CCDC88C: variants seen among roughly 807,000 people sequenced by gnomAD.
CCDC88C encodes coiled-coil and HOOK domain protein 88C.
Under a neutral mutation model 198.8 loss-of-function variants are expected in CCDC88C, and 131 were observed. The ratio of observed to expected loss-of-function variants is 0.66; its 90% CI spans 0.57 to 0.76. The LOEUF is 0.76. CCDC88C is among the 30% of genes least tolerant of loss of function. The pLI is 0.00. For synonymous variants in CCDC88C, 1,166 were observed against 1,114.7 expected (o/e 1.05, Z -0.92); for missense variants, 2,553 against 2,631.6 (o/e 0.97, Z 0.65).
Position 91,338,906 on chromosome 14 carries a change from A to G in CCDC88C, c.810-336T>C. ...CCATCAGCTGCAGGAAACCTGGGAGAACAGGCTCACCAGATTGGAGGGAAG... is the reference window on the plus strand; with the variant it reads ...CCATCAGCTGCAGGAAACCTGGGAGGACAGGCTCACCAGATTGGAGGGAAG... On this transcript the variant is annotated intron_variant, in intron 8 of 29. Coordinates refer to ENST00000389857, the MANE Select transcript of CCDC88C (RefSeq NM_001080414.4). This position sits in a 1 kb window ranked among gnomAD's most constrained non-coding sequence, Gnocchi z 4.8. 3 of 475,810 alleles carry G rather than the reference A, an allele frequency of 6.3e-6. No homozygotes were observed. The South Asian group carries it at 6.5e-5, about 10-fold the overall frequency. 29.5% of individuals were successfully genotyped at this position (475,810 alleles called of 1,614,324 possible). A position where few individuals can be genotyped will look rare whatever the true frequency, so the allele number is the denominator to read the frequency against.
At chr14:91,303,647 C>G in intron 20 of CCDC88C, 54 bp downstream of exon 20, 1 of 1,488,958 alleles carries the variant, frequency 6.7e-7, no homozygotes, top group Middle Eastern at 1.8e-4. Flanking sequence ...CTGGGCCCAG[C>G]CTCTCCTCTG....
intron 10 of CCDC88C, among the ~76,000 whole-genome samples, chr14:91,335,620 T>C (rs1285776): frequency 0.012 from 1,826 of 152,334 alleles, 29 homozygotes; most frequent in East Asian, 0.022. Flanking sequence ...ATGTGCTGCC[T>C]GCCTGCTTCC....
Position 91,338,470 on chromosome 14 carries a change from G to C in CCDC88C, c.891+19C>G. 6.4e-7 allele frequency: 1 copy of C among 1,553,192 alleles called. No homozygotes were observed. The highest frequency in any genetic ancestry group is 8.7e-7 in the Non-Finnish European group (1 of 1,147,210). On this transcript the variant is annotated intron_variant, in intron 9 of 29. Transcript: ENST00000389857. The surrounding 1 kb of genome is among the most constrained non-coding windows in gnomAD (Gnocchi z 4.8). ...GCCCTGCTACCCCCAGGACACACAG[G>C]CTCAGGCCCCCGACTCACCTCCTGC... is the stretch of plus-strand genomic sequence containing the variant.
chr14:91,358,993 G>A (rs183759368), intron 4 of CCDC88C, among the ~76,000 whole-genome samples: 26 of 152,144 alleles, frequency 1.7e-4, no homozygotes, highest in Middle Eastern at 6.8e-3. Context: ...CTTGTCTAAG[G>A]TACCACACTC....
At chr14:91,321,766 C>A (rs976148257) in intron 12 of CCDC88C, among the ~76,000 whole-genome samples, 1 of 152,210 alleles carries the variant, frequency 6.6e-6, no homozygotes, top group Non-Finnish European at 1.5e-5. Flanking sequence ...GAAAGCTACA[C>A]TGGAACATGT....
chr14:91,318,122 A>G (rs1892185616), intron 13 of CCDC88C, among the ~76,000 whole-genome samples: 1 of 152,354 alleles, frequency 6.6e-6, no homozygotes, highest in African/African-American at 2.4e-5. Flanking sequence ...CATGAATCTA[A>G]GAAACCAAAA....
intron 19 of CCDC88C, among the ~76,000 whole-genome samples, chr14:91,305,341 TTCCCTCTTAG>T (rs1891512766): frequency 6.6e-6 from 1 of 152,320 alleles, no homozygotes; most frequent in African/African-American, 2.4e-5. Context: ...TATCCTACAC[TTCCCTCTTAG>T]AGATTAAAAA....
intron 3 of CCDC88C, among the ~76,000 whole-genome samples, chr14:91,364,975 G>A (rs1006446729): frequency 1.3e-5 from 2 of 152,226 alleles, no homozygotes; most frequent in Non-Finnish European, 2.9e-5. Context: ...AGCTCTGACA[G>A]GGGAGGACGA....
At chr14:91,315,895 T>C in intron 13 of CCDC88C, 108 bp from the exon 14 acceptor site, 1 of 1,182,834 alleles carries the variant, frequency 8.5e-7, no homozygotes. Context: ...ATGGGTCTTT[T>C]CTCAAGGGAA....
rs146776442 is a variant in CCDC88C at position 91,282,891 on chromosome 14, A to G, written c.4630+438T>C. ...AGCCTGGGCAACATGATGAGACCAC[A>G]TATCTACAAAAACTTTAAAATACAC... On this transcript the variant is annotated intron_variant, in intron 26 of 29. Transcript: ENST00000389857. Among the ~76,000 whole-genome samples the G allele has an allele frequency of 2.8e-3, 429 of 152,336 alleles. 5 individuals are homozygous for G. The highest frequency in any genetic ancestry group is 8.9e-3 in the African/African-American group (371 of 41,584).
At chr14:91,283,908 C>T (rs150279276) in intron 25 of CCDC88C, among the ~76,000 whole-genome samples, 1,590 of 152,338 alleles carry the variant, frequency 0.01, 30 homozygotes, top group South Asian at 0.022. Flanking sequence ...GGATCCAAGC[C>T]TGTAGCTGAG....
Position 91,411,854 on chromosome 14 carries a change from T to G in CCDC88C, c.162-3087A>C, listed in dbSNP as rs189047986. On this transcript the variant is annotated intron_variant, in intron 2 of 29. Coordinates refer to ENST00000389857, the MANE Select transcript of CCDC88C (RefSeq NM_001080414.4). ...GGCATGCGCCTGTAATCCTAGCTAA[T>G]CGGGAGGCTGAGGCAGGAGAATCAC... Among the ~76,000 whole-genome samples, 612 of 151,066 alleles carry G rather than the reference T, an allele frequency of 4.1e-3. 15 individuals are homozygous for G. The highest frequency in any genetic ancestry group is 0.037 in the Admixed American group (559 of 15,126).
At chr14:91,280,571 T>G (rs1412692089) in intron 27 of CCDC88C, among the ~76,000 whole-genome samples, 2 of 152,210 alleles carry the variant, frequency 1.3e-5, no homozygotes, top group Non-Finnish European at 2.9e-5. Context: ...ATTCAAGTAC[T>G]GCAATGCAAA....
At position 91,397,150 on chromosome 14, in the gene CCDC88C, T is replaced by A. The variant is rs77330156; in HGVS notation, c.270+11509A>T. ...GAGAGGGGCCTGGGGGAAGTCCCGA[T>A]GTGTCAATGTCCAGAGGTGGGCAGG... On this transcript the variant is annotated intron_variant, in intron 3 of 29. Coordinates refer to ENST00000389857, the MANE Select transcript of CCDC88C (RefSeq NM_001080414.4). 9.9e-3 allele frequency among the ~76,000 whole-genome samples: 1,512 copies of A among 152,144 alleles called. 30 individuals carry two copies. The highest frequency in any genetic ancestry group is 0.035 in the African/African-American group (1,455 of 41,492).
intron 10 of CCDC88C, among the ~76,000 whole-genome samples, chr14:91,327,431 T>C (rs8007259): frequency 0.072 from 10,952 of 152,306 alleles, 482 homozygotes; most frequent in Non-Finnish European, 0.097. Flanking sequence ...ACATCTACTA[T>C]GTGGCTGGCC....
intron 4 of CCDC88C, among the ~76,000 whole-genome samples, chr14:91,359,427 G>A (rs754958625): frequency 8.5e-5 from 13 of 152,132 alleles, no homozygotes; most frequent in Non-Finnish European, 1.8e-4. Context: ...GTGAGCCACC[G>A]CGCCCGGCCT....
Position 91,297,414 on chromosome 14 carries a change from A to G in CCDC88C, c.3857T>C (p.Leu1286Pro). 6.2e-7 allele frequency: 1 copy of G among 1,610,206 alleles called. No individual in the cohort carries two copies. The highest frequency in any genetic ancestry group is 8.5e-7 in the Non-Finnish European group (1 of 1,178,304). ...HAHTKELKTS[L>P]NNAQLELNRW... ...GTTGAGCTCCAGCTGCGCGTTGTTC[A>G]GTGAGGTTTTCAGCTCCTTGGTGTG... The change falls in exon 22 of 30, where the codon CTG (leucine) becomes CCG (proline). Residue 1286 changes from leucine (L) to proline (P), a missense_variant. By Grantham distance (98) the Leu-to-Pro change is moderately conservative. Transcript: ENST00000389857.
At chr14:91,310,141 C>T (rs1029414805) in intron 15 of CCDC88C, among the ~76,000 whole-genome samples, 155 bp from the exon 16 acceptor site, 3 of 152,032 alleles carry the variant, frequency 2.0e-5, no homozygotes, top group African/African-American at 4.8e-5. Flanking sequence ...ATGCTCTTCC[C>T]GAGGAAAGCC....
chr14:91,415,407 C>T (rs941760), intron 2 of CCDC88C, among the ~76,000 whole-genome samples: 86,388 of 151,628 alleles, frequency 0.57, 26,050 homozygotes, highest in East Asian at 0.88. Context: ...CATTAAACAG[C>T]ATGACATCAA....
Sources: allele counts gnomAD v4.1 joint callset (sites outside exome capture counted in the v4.1 genomes callset), GRCh38; gene constraint gnomAD v4.1.1; non-coding constraint Gnocchi (gnomAD v3.1); transcripts MANE v1.5; gene names NCBI Gene and HGNC (gene_info 2026-07-23, HGNC 2026-07-21).